The following TRIM2 variants were observed in gnomAD, a reference collection of about 807,000 sequenced individuals.
TRIM2 encodes the protein tripartite motif-containing protein 2.
TRIM2 carries 20 observed loss-of-function variants against 75.2 expected under a neutral mutation model. The ratio of observed to expected loss-of-function variants is 0.27; its 90% confidence interval spans 0.19 to 0.39. The LOEUF is 0.39. TRIM2 is among the 10% of genes least tolerant of loss of function. The pLI, the probability that TRIM2 is intolerant of heterozygous loss-of-function variation, is 1.00. For missense variants in TRIM2, 660 were observed against 990.8 expected, an observed-to-expected ratio of 0.67 and a Z score of 4.48; for synonymous variants, 373 against 388.3, an observed-to-expected ratio of 0.96 and a Z score of 0.46.
At chr4:153,169,274 T>C (rs1374673046) in intron 1 of TRIM2, among the ~76,000 whole-genome samples, 1 of 152,198 alleles carries the variant, frequency 6.6e-6, no homozygotes, top group Non-Finnish European at 1.5e-5. Context: ...GGGGCCAATA[T>C]TTCAGGCAGA....
intron 1 of TRIM2, among the ~76,000 whole-genome samples, chr4:153,171,528 G>A (rs142984974): frequency 0.018 from 2,752 of 152,316 alleles, 77 homozygotes; most frequent in African/African-American, 0.063. Context: ...AGAGTTTGCA[G>A]TGAGCTGAGA....
intron 2 of TRIM2, among the ~76,000 whole-genome samples, chr4:153,271,317 A>G (rs1175821827): frequency 6.6e-6 from 1 of 152,200 alleles, no homozygotes. Flanking sequence ...TTTAATATAC[A>G]TACTTAAAAT....
intron 3 of TRIM2, among the ~76,000 whole-genome samples, chr4:153,292,086 C>T (rs1761939962): frequency 6.6e-6 from 1 of 152,204 alleles, no homozygotes; most frequent in African/African-American, 2.4e-5. Flanking sequence ...AAGACGTTTT[C>T]AAGCAGTCTT....
chr4:153,152,371 G>T (rs1464704833), upstream of TRIM2: 1 of 149,444 alleles, frequency 6.7e-6, no homozygotes, highest in East Asian at 2.0e-4. Context: ...GCTGCCGTGC[G>T]CTCGGGATCA....
intron 11 of TRIM2, among the ~76,000 whole-genome samples, chr4:153,330,465 A>C (rs971153546): frequency 5.3e-5 from 8 of 152,326 alleles, no homozygotes; most frequent in African/African-American, 1.7e-4. Context: ...GACCAAGTGG[A>C]GTTTATTCCA....
chr4:153,299,838 A>ACT (rs748116258), intron 6 of TRIM2, among the ~76,000 whole-genome samples: 1 of 151,844 alleles, frequency 6.6e-6, no homozygotes, highest in South Asian at 2.1e-4. Context: ...TCATACCTGT[A>ACT]CTCTCTTTAA....
chr4:153,169,728 A>G (rs1730661740), intron 1 of TRIM2, among the ~76,000 whole-genome samples: 1 of 152,234 alleles, frequency 6.6e-6, no homozygotes, highest in South Asian at 2.1e-4. Flanking sequence ...TCTAACATTG[A>G]CAAAAGAATC....
intron 1 of TRIM2, among the ~76,000 whole-genome samples, chr4:153,240,864 G>A (rs1220626396): frequency 6.6e-6 from 1 of 152,178 alleles, no homozygotes; most frequent in African/African-American, 2.4e-5. Context: ...GGATCACAAG[G>A]TCTGGAGTTT....
At chr4:153,286,043 GA>G (rs1390844026) in intron 3 of TRIM2, among the ~76,000 whole-genome samples, 1 of 152,112 alleles carries the variant, frequency 6.6e-6, no homozygotes, top group Non-Finnish European at 1.5e-5. Context: ...GGCATGAAAA[GA>G]TATTGGATTT....
intron 6 of TRIM2, among the ~76,000 whole-genome samples, chr4:153,313,283 C>T (rs1042380929): frequency 6.6e-6 from 1 of 152,138 alleles, no homozygotes; most frequent in Non-Finnish European, 1.5e-5. Context: ...TAAAATATGA[C>T]AGTATCTGGA....
intron 1 of TRIM2, among the ~76,000 whole-genome samples, chr4:153,234,668 G>C (rs1744543345): frequency 6.6e-6 from 1 of 152,202 alleles, no homozygotes; most frequent in Non-Finnish European, 1.5e-5. Context: ...CTGTATGGCT[G>C]TTGAGAGTGT....
At chr4:153,163,538 G>A (rs1420400206) in intron 1 of TRIM2, among the ~76,000 whole-genome samples, 1 of 102,854 alleles carries the variant, frequency 9.7e-6, no homozygotes, top group Admixed American at 1.4e-4. Flanking sequence ...GTCTTGTTCT[G>A]TCACCTAGGC....
intron 1 of TRIM2, among the ~76,000 whole-genome samples, chr4:153,256,272 G>T (rs915946514): frequency 3.9e-5 from 6 of 152,202 alleles, no homozygotes; most frequent in Non-Finnish European, 7.3e-5. Flanking sequence ...TATTCTCTGT[G>T]ATCCCCCTCC....
intron 1 of TRIM2, among the ~76,000 whole-genome samples, chr4:153,178,102 A>G (rs1015512846): frequency 1.1e-4 from 16 of 152,168 alleles, no homozygotes; most frequent in Admixed American, 9.8e-4. Context: ...GCACCTGGCC[A>G]TGATTAGCAG....
rs559758828 is a variant in TRIM2, at chr4:153,175,104, C to T, written c.-49+21834C>T. 4.6e-5 allele frequency among the ~76,000 whole-genome samples: 7 copies of T among 152,154 alleles called. No individual in the cohort carries two copies. The South Asian group carries it at 1.5e-3, about 32-fold the overall frequency. ...GGCTCGCTGCAACCTCCGCCTTCTGCCTTCCGGTTTCAAGCGATTCTCCTG... is the reference window on the plus strand; with the variant it reads ...GGCTCGCTGCAACCTCCGCCTTCTGTCTTCCGGTTTCAAGCGATTCTCCTG... On this transcript the variant is annotated intron_variant, in intron 1 of 11. Transcript: ENST00000437508.
chr4:153,219,096 C>G (rs1739275771), intron 1 of TRIM2, among the ~76,000 whole-genome samples: 1 of 152,134 alleles, frequency 6.6e-6, no homozygotes, highest in Non-Finnish European at 1.5e-5. Flanking sequence ...TCTCATATCT[C>G]TGTGTGCCCA....
chr4:153,305,799 G>A (rs1764849449), intron 6 of TRIM2, among the ~76,000 whole-genome samples: 1 of 152,100 alleles, frequency 6.6e-6, no homozygotes, highest in Non-Finnish European at 1.5e-5. Flanking sequence ...ACCACTTTGG[G>A]AATTAAGGTT....
At chr4:153,332,055 A>C (rs1458060697) in intron 11 of TRIM2, among the ~76,000 whole-genome samples, 2 of 152,228 alleles carry the variant, frequency 1.3e-5, no homozygotes, top group African/African-American at 4.8e-5. Context: ...ATGTTTGAGG[A>C]GATAAACTTT....
chr4:153,300,066 G>A (rs762009157), intron 6 of TRIM2, among the ~76,000 whole-genome samples: 1 of 152,134 alleles, frequency 6.6e-6, no homozygotes, highest in African/African-American at 2.4e-5. Flanking sequence ...CTATTTCTTT[G>A]CGGCACCGAA....
Sources: allele counts gnomAD v4.1 joint callset (sites outside exome capture counted in the v4.1 genomes callset), GRCh38; gene constraint gnomAD v4.1.1; transcripts MANE v1.5; gene names NCBI Gene and HGNC (gene_info 2026-07-23, HGNC 2026-07-21).